Variants in PCNX2 observed in about 807,000 individuals in gnomAD.
PCNX2 encodes the protein pecanex-like protein 2.
A neutral mutation model predicts 223.8 loss-of-function variants in PCNX2; 168 were observed. That is an observed-to-expected ratio of 0.75 (90% CI 0.66 to 0.85). The LOEUF (loss-of-function observed/expected upper bound fraction) is 0.85, where lower values mean the gene tolerates loss of function less well. PCNX2 is among the 40% of genes least tolerant of loss of function. The pLI, the probability that PCNX2 is intolerant of heterozygous loss-of-function variation, is 0.00. For missense variants in PCNX2, 2,507 were observed against 2,675.5 expected, an observed-to-expected ratio of 0.94 and a Z score of 1.39; for synonymous variants, 1,006 against 1,052.6, an observed-to-expected ratio of 0.96 and a Z score of 0.86.
intron 17 of PCNX2, among the ~76,000 whole-genome samples, chr1:233,164,306 A>AG (rs1678666829): frequency 6.6e-6 from 1 of 152,210 alleles, no homozygotes; most frequent in East Asian, 1.9e-4. Context: ...TGGATGTGAA[A>AG]GAAAAGGAAC....
chr1:233,119,403 C>CA (rs71173251), intron 21 of PCNX2, among the ~76,000 whole-genome samples: 5,124 of 38,128 alleles, frequency 0.13, 511 homozygotes, highest in Middle Eastern at 0.17. Context: ...ACTAAAAATA[C>CA]AAAAAAAAAA....
intron 17 of PCNX2, among the ~76,000 whole-genome samples, chr1:233,175,242 A>T (rs539114328): frequency 1.4e-4 from 21 of 152,234 alleles, no homozygotes; most frequent in Non-Finnish European, 2.9e-4. Flanking sequence ...TCCCATTAAA[A>T]TATTATAATT....
chr1:233,287,605 A>G (rs935699487), intron 1 of PCNX2, among the ~76,000 whole-genome samples: 3 of 152,216 alleles, frequency 2.0e-5, no homozygotes, highest in Non-Finnish European at 2.9e-5. Context: ...CTCCCTAGCC[A>G]TGTGAAACTG....
chr1:233,303,265 G>C, the PCNX2 span, among the ~76,000 whole-genome samples: 1 of 152,100 alleles, frequency 6.6e-6, no homozygotes, highest in Admixed American at 6.6e-5. Context: ...TATAGTCCCA[G>C]CACTTTGGGA....
Position 233,285,477 on chromosome 1 carries a change from C to T in PCNX2, c.153+9849G>A, listed in dbSNP as rs149816198. 4.4e-3 allele frequency among the ~76,000 whole-genome samples: 666 copies of T among 151,980 alleles called. 4 individuals are homozygous for T. Among genetic ancestry groups the T allele is most frequent in the African/African-American group, 0.016 (651 of 41,446 alleles). On this transcript the variant is annotated intron_variant, in intron 1 of 33. Coordinates refer to ENST00000258229, the MANE Select transcript of PCNX2 (RefSeq NM_014801.4). Reference sequence around the variant, plus strand: ...GATCACAAGGTCAGGAGTTCGAGACCAGCCTGGCCAATATGGTGAAACCCT... The same window carrying T: ...GATCACAAGGTCAGGAGTTCGAGACTAGCCTGGCCAATATGGTGAAACCCT...
At chr1:233,194,780 G>T (rs1430531218) in intron 15 of PCNX2, among the ~76,000 whole-genome samples, 2 of 152,080 alleles carry the variant, frequency 1.3e-5, no homozygotes, top group Admixed American at 6.5e-5. Flanking sequence ...ACTTTGGGAG[G>T]CCGAGGCAGG....
At chr1:233,200,685 G>C (rs1681032470) in intron 13 of PCNX2, among the ~76,000 whole-genome samples, 1 of 151,608 alleles carries the variant, frequency 6.6e-6, no homozygotes, top group Admixed American at 6.6e-5. Flanking sequence ...GGGGAGATGA[G>C]GGCAAGAGAA....
intron 17 of PCNX2, among the ~76,000 whole-genome samples, chr1:233,168,914 A>T (rs952800044): frequency 6.6e-6 from 1 of 152,120 alleles, no homozygotes; most frequent in Non-Finnish European, 1.5e-5. Flanking sequence ...CCTCATTTTA[A>T]TTTGCATTTT....
At chr1:232,985,894 CTGT>C in intron 33 of PCNX2, 195 bp downstream of exon 33, 2 of 652,280 alleles carry the variant, frequency 3.1e-6, no homozygotes, top group African/African-American at 1.8e-5. Flanking sequence ...GATATCTGCT[CTGT>C]ATCTTGTCTG....
At position 233,139,541 on chromosome 1, in the gene PCNX2, C is replaced by G. The variant is rs1676989197; in HGVS notation, c.3659+173G>C. On this transcript the variant is annotated intron_variant, in intron 20 of 33. Coordinates refer to ENST00000258229, the MANE Select transcript of PCNX2 (RefSeq NM_014801.4). This position sits in a 1 kb window ranked among gnomAD's most constrained non-coding sequence, Gnocchi z 4.4. ...CTTCATTTGCACCCCAGTCATTCTACAATAACTGTCTAGCTCCAGTGGGTT... is the reference window on the plus strand; with the variant it reads ...CTTCATTTGCACCCCAGTCATTCTAGAATAACTGTCTAGCTCCAGTGGGTT... Among the ~76,000 whole-genome samples the G allele has an allele frequency of 1.3e-5, 2 of 152,202 alleles. No individual in the cohort carries two copies. The highest frequency in any genetic ancestry group is 2.9e-5 in the Non-Finnish European group (2 of 68,030).
At chr1:233,306,476 AACAAC>A in the PCNX2 span, among the ~76,000 whole-genome samples, 1 of 152,236 alleles carries the variant, frequency 6.6e-6, no homozygotes, top group African/African-American at 2.4e-5. Flanking sequence ...ACATCACACA[AACAAC>A]ACAAGGTTCT....
intron 25 of PCNX2, among the ~76,000 whole-genome samples, chr1:233,041,330 A>T (rs571160501): frequency 6.6e-6 from 1 of 152,298 alleles, no homozygotes; most frequent in Admixed American, 6.5e-5. Flanking sequence ...CAAAAATCCA[A>T]AATCTTAAAT....
At chr1:233,202,200 C>T in intron 13 of PCNX2, 4 of 464,884 alleles carry the variant, frequency 8.6e-6, no homozygotes, top group South Asian at 6.4e-5. Flanking sequence ...ATTATTTTGT[C>T]CTTTTTTTTT....
intron 26 of PCNX2, among the ~76,000 whole-genome samples, chr1:233,021,135 T>G (rs2102826907): frequency 6.6e-6 from 1 of 152,050 alleles, no homozygotes; most frequent in East Asian, 1.9e-4. Flanking sequence ...GGGGAATGAG[T>G]GCAGGTTCCA....
intron 23 of PCNX2, among the ~76,000 whole-genome samples, chr1:233,075,989 C>A (rs545683961): frequency 7.2e-5 from 11 of 152,056 alleles, no homozygotes; most frequent in African/African-American, 2.7e-4. Context: ...GCAAATGCAA[C>A]TAATAAAAAT....
At chr1:233,296,149 A>G (rs1366234802), upstream of PCNX2, among the ~76,000 whole-genome samples, 1 of 151,732 alleles carries the variant, frequency 6.6e-6, no homozygotes, top group Non-Finnish European at 1.5e-5. Flanking sequence ...TATTTACCTC[A>G]TACAAGGTCC....
chr1:233,078,641 T>G (rs537769367), intron 23 of PCNX2, among the ~76,000 whole-genome samples: 2 of 152,190 alleles, frequency 1.3e-5, no homozygotes, highest in Admixed American at 6.5e-5. Flanking sequence ...CCTTGAAGCA[T>G]CAGCAGCAGC....
intron 12 of PCNX2, 115 bp downstream of exon 12, chr1:233,217,784 A>C: frequency 9.7e-7 from 1 of 1,027,492 alleles, no homozygotes; most frequent in Non-Finnish European, 1.4e-6. Flanking sequence ...TTTCTATTTT[A>C]TATTCAGTAT....
intron 24 of PCNX2, 176 bp from the exon 25 acceptor site, chr1:233,054,659 T>C (rs890085420): frequency 7.2e-5 from 41 of 567,458 alleles, no homozygotes; most frequent in Admixed American, 2.1e-4. Context: ...CTCCAATTTT[T>C]TCCCTCAATA....
Sources: gnomAD v4.1 joint callset for allele counts (sites outside exome capture counted in the v4.1 genomes callset) on GRCh38, gnomAD v4.1.1 for gene constraint, Gnocchi (gnomAD v3.1) non-coding constraint, MANE v1.5 for transcripts, NCBI Gene and HGNC (gene_info 2026-07-23, HGNC 2026-07-21) for gene names.